Variants in ASCC3 observed in about 807,000 individuals in gnomAD.
ASCC3 encodes activating signal cointegrator 1 complex subunit 3.
Under a neutral mutation model 256.3 loss-of-function variants are expected in ASCC3, and 158 were observed. The observed-to-expected ratio is 0.62, with a 90% confidence interval of 0.54 to 0.70. The LOEUF is 0.70. Among genes scored for constraint, ASCC3 ranks in the 30% least tolerant of loss-of-function variants. ASCC3 has a pLI of 0.00. For synonymous variants in ASCC3, 948 were observed against 883.4 expected (o/e 1.07, Z -1.30); for missense variants, 2,259 against 2,626.0 (o/e 0.86, Z 3.05).
chr6:100,577,207 T>G (rs533429264), intron 36 of ASCC3, among the ~76,000 whole-genome samples: 1 of 152,016 alleles, frequency 6.6e-6, no homozygotes, highest in South Asian at 2.1e-4. Flanking sequence ...TTTTAGTTCT[T>G]TAGTAACTTT....
intron 30 of ASCC3, among the ~76,000 whole-genome samples, chr6:100,617,593 A>G (rs534171291): frequency 1.3e-5 from 2 of 152,226 alleles, no homozygotes; most frequent in South Asian, 2.1e-4. Flanking sequence ...GTCTATTCCA[A>G]ACTGCTTCTG....
At chr6:100,707,215 C>T (rs767567689) in intron 13 of ASCC3, among the ~76,000 whole-genome samples, 2 of 151,800 alleles carry the variant, frequency 1.3e-5, no homozygotes, top group Non-Finnish European at 2.9e-5. Flanking sequence ...TGCTGGGACA[C>T]AAAAAGTAAA....
intron 10 of ASCC3, among the ~76,000 whole-genome samples, chr6:100,732,273 T>A (rs6915494): frequency 2.6e-5 from 4 of 152,012 alleles, no homozygotes; most frequent in South Asian, 2.1e-4. Flanking sequence ...CAAAAAAGAC[T>A]CAAAATAATA....
intron 38 of ASCC3, among the ~76,000 whole-genome samples, chr6:100,517,489 T>G (rs1774091880): frequency 6.6e-6 from 1 of 152,160 alleles, no homozygotes; most frequent in Non-Finnish European, 1.5e-5. Flanking sequence ...TACATGAGAC[T>G]TACGGGTTTG....
intron 8 of ASCC3, among the ~76,000 whole-genome samples, chr6:100,782,875 A>T (rs1202169734): frequency 6.6e-6 from 1 of 152,132 alleles, no homozygotes. Context: ...AGAAATTCTG[A>T]AAGAATACAT....
At chr6:100,863,203 G>C (rs190804388) in intron 3 of ASCC3, among the ~76,000 whole-genome samples, 28 of 152,200 alleles carry the variant, frequency 1.8e-4, no homozygotes, top group African/African-American at 6.5e-4. Context: ...CAAACACAGG[G>C]GTTTTACCAG....
chr6:100,832,875 C>T (rs1192950120), intron 4 of ASCC3, among the ~76,000 whole-genome samples: 1 of 151,750 alleles, frequency 6.6e-6, no homozygotes, highest in Non-Finnish European at 1.5e-5. Flanking sequence ...AACTACACAG[C>T]AAATGAAATA....
chr6:100,848,122 A>C, intron 4 of ASCC3, 26 bp downstream of exon 4: 1 of 1,540,928 alleles, frequency 6.5e-7, no homozygotes, highest in Non-Finnish European at 8.7e-7. Flanking sequence ...ACATTAATAT[A>C]AAAAAATAAA....
At chr6:100,786,766 T>TA (rs1037406916) in intron 8 of ASCC3, among the ~76,000 whole-genome samples, 11 of 152,154 alleles carry the variant, frequency 7.2e-5, no homozygotes, top group Admixed American at 3.9e-4. Flanking sequence ...CTGTTTGTAA[T>TA]ACCAATTAAA....
intron 38 of ASCC3, 31 bp from the exon 39 acceptor site, chr6:100,516,358 T>C (rs1774029440): frequency 6.8e-6 from 11 of 1,612,824 alleles, no homozygotes; most frequent in Non-Finnish European, 6.8e-6. Flanking sequence ...AACCAAATAA[T>C]TGTTTCACAG....
chr6:100,794,953 C>T (rs1289405937), intron 8 of ASCC3, among the ~76,000 whole-genome samples: 1 of 152,114 alleles, frequency 6.6e-6, no homozygotes, highest in African/African-American at 2.4e-5. Context: ...GCATCTTTCT[C>T]ATCCTACTTT....
intron 36 of ASCC3, among the ~76,000 whole-genome samples, chr6:100,585,234 G>A (rs1372789804): frequency 6.6e-6 from 1 of 152,050 alleles, no homozygotes; most frequent in Non-Finnish European, 1.5e-5. Flanking sequence ...ACGCAGATTT[G>A]GTCTTTTCAC....
chr6:100,603,702 T>C (rs181360365), intron 33 of ASCC3, among the ~76,000 whole-genome samples: 2 of 152,272 alleles, frequency 1.3e-5, no homozygotes, highest in East Asian at 1.9e-4. Context: ...GAAATGATTA[T>C]ATGATTTTTC....
chr6:100,792,937 A>G (rs894641553), intron 8 of ASCC3, among the ~76,000 whole-genome samples: 1 of 151,910 alleles, frequency 6.6e-6, no homozygotes, highest in Non-Finnish European at 1.5e-5. Flanking sequence ...TCTTCTCTCC[A>G]TTTCTTAATT....
intron 13 of ASCC3, 155 bp downstream of exon 13, chr6:100,715,307 G>T (rs1333620578): frequency 1.6e-6 from 1 of 641,256 alleles, no homozygotes; most frequent in Non-Finnish European, 2.8e-6. Context: ...TTACCCATTG[G>T]GCTAAAGCAG....
At chr6:100,764,276 C>T (rs1343668997) in intron 10 of ASCC3, among the ~76,000 whole-genome samples, 4 of 151,840 alleles carry the variant, frequency 2.6e-5, no homozygotes, top group Non-Finnish European at 5.9e-5. Context: ...CTACGGGATT[C>T]AGGGAAGAAG....
chr6:100,802,753 AC>A (rs1380232444), intron 5 of ASCC3, among the ~76,000 whole-genome samples: 2 of 151,880 alleles, frequency 1.3e-5, no homozygotes, highest in East Asian at 3.9e-4. Flanking sequence ...TAATCTAAAC[AC>A]TTTGGGGGGC....
intron 25 of ASCC3, among the ~76,000 whole-genome samples, chr6:100,633,127 T>A (rs1469283701): frequency 2.0e-5 from 3 of 152,222 alleles, no homozygotes; most frequent in African/African-American, 7.2e-5. Context: ...TTGTAGTCAA[T>A]TGTGGTCCAA....
rs139405780 is a variant in ASCC3 at position 100,527,959 on chromosome 6, C to G, written c.5776-9817G>C. Among the ~76,000 whole-genome samples, 737 of 151,998 alleles carry G rather than the reference C, an allele frequency of 4.8e-3. 5 individuals are homozygous for G. Among genetic ancestry groups the G allele is most frequent in the African/African-American group, 0.017 (704 of 41,466 alleles). On this transcript the variant is annotated intron_variant, in intron 37 of 41. Coordinates refer to ENST00000369162, the MANE Select transcript of ASCC3 (RefSeq NM_006828.4). ...GGCTCTAATGATCCTCCTTAGCCTC[C>G]CAAGCAGCTGGGTCTACAGGTGAGT...
Sources: gnomAD v4.1 joint callset for allele counts (sites outside exome capture counted in the v4.1 genomes callset) on GRCh38, gnomAD v4.1.1 for gene constraint, MANE v1.5 for transcripts, NCBI Gene and HGNC (gene_info 2026-07-23, HGNC 2026-07-21) for gene names.